The following CNTN6 variants were observed in gnomAD, a reference collection of about 807,000 sequenced individuals.
CNTN6 encodes the protein contactin 6.
Under a neutral mutation model 122.8 loss-of-function variants are expected in CNTN6, and 137 were observed. The observed-to-expected ratio is 1.12, with a 90% CI of 0.97 to 1.29. The LOEUF (loss-of-function observed/expected upper bound fraction) is 1.29, where lower values mean the gene tolerates loss of function less well. Among genes scored for constraint, CNTN6 ranks in the 50% most tolerant of loss-of-function variants. The pLI is 0.00. For synonymous variants in CNTN6, 570 were observed against 426.0 expected (o/e 1.34, Z -4.16); for missense variants, 1,634 against 1,223.4 (o/e 1.34, Z -5.01).
chr3:1,156,830 A>C (rs1575053384), intron 2 of CNTN6, among the ~76,000 whole-genome samples: 2 of 151,568 alleles, frequency 1.3e-5, no homozygotes, highest in Admixed American at 6.6e-5. Context: ...CAATCCTCCT[A>C]CCTCAGCCTC....
chr3:1,225,633 G>T (rs2094271415), intron 3 of CNTN6, among the ~76,000 whole-genome samples: 1 of 151,600 alleles, frequency 6.6e-6, no homozygotes, highest in Non-Finnish European at 1.5e-5. Context: ...TAGAGTGCTG[G>T]CAAGGAGAAT....
intron 12 of CNTN6, among the ~76,000 whole-genome samples, chr3:1,358,771 A>G (rs1353335773): frequency 1.3e-5 from 2 of 152,018 alleles, no homozygotes; most frequent in Admixed American, 1.3e-4. Flanking sequence ...TTCTACTTTC[A>G]TCTTCTACAA....
intron 4 of CNTN6, among the ~76,000 whole-genome samples, chr3:1,257,744 G>C (rs1182791266): frequency 2.0e-5 from 3 of 152,164 alleles, no homozygotes; most frequent in African/African-American, 7.2e-5. Flanking sequence ...GCTGGTGAGA[G>C]CGAGCTATTC....
chr3:1,144,194 G>A (rs1559391477), intron 1 of CNTN6, among the ~76,000 whole-genome samples: 1 of 152,176 alleles, frequency 6.6e-6, no homozygotes, highest in African/African-American at 2.4e-5. Context: ...GGCTTTTGGA[G>A]TCTTTGGTAA....
rs563531667 is a variant in CNTN6 at position 1,156,591 on chromosome 3, ACTTT to A, written c.55+8545_55+8548del. On this transcript the variant is annotated intron_variant, in intron 2 of 22. Transcript: ENST00000446702. ...GGAAGAAACGATATTTGAGTCTCAG[ACTTT>A]CTTTCTTTCTTTCTTTTTCTTTTCT... Among the ~76,000 whole-genome samples the A allele has an allele frequency of 6.5e-3, 991 of 151,460 alleles. 5 individuals are homozygous for A. The highest frequency in any genetic ancestry group is 0.019 in the African/African-American group (801 of 41,108).
chr3:1,267,149 G>A (rs374959022), intron 4 of CNTN6, among the ~76,000 whole-genome samples: 2 of 151,866 alleles, frequency 1.3e-5, no homozygotes, highest in East Asian at 3.9e-4. Flanking sequence ...AGGTCAGGAT[G>A]TACTTCCCCC....
intron 2 of CNTN6, among the ~76,000 whole-genome samples, chr3:1,215,688 T>C (rs577498943): frequency 1.5e-5 from 2 of 132,134 alleles, no homozygotes; most frequent in African/African-American, 5.0e-5. Context: ...ATGCCATGTT[T>C]TACTCTTTTA....
intron 5 of CNTN6, among the ~76,000 whole-genome samples, chr3:1,282,046 G>C (rs1416652462): frequency 2.0e-5 from 3 of 151,308 alleles, no homozygotes; most frequent in Non-Finnish European, 4.4e-5. Context: ...GTATCGACAT[G>C]GCTAAATTTT....
chr3:1,183,990 G>T (rs1468036267), intron 2 of CNTN6, among the ~76,000 whole-genome samples: 2 of 152,158 alleles, frequency 1.3e-5, no homozygotes, highest in Non-Finnish European at 1.5e-5. Flanking sequence ...GCGGCTGAAG[G>T]CCATTTTCAG....
In CNTN6 at chr3:1,297,987, G is replaced by A; in HGVS notation, c.757G>A (p.Gly253Arg). The part of the protein sequence containing the change: ...SSVKLECFAL[G>R]NPVPDISWRR... ...TGTAAAACTGGAATGTTTTGCCCTT[G>A]GAAAGTAAGGTTTTTGTTTTTGTTT... The change falls in exon 7 of 23, where the codon GGA becomes AGA. Residue 253 changes from glycine to arginine, a missense_variant. Gly to Arg is a moderately radical substitution (Grantham distance 125). Transcript: ENST00000446702. 3 of 1,574,590 alleles carry A rather than the reference G, an allele frequency of 1.9e-6. No individual in the cohort carries two copies. Among genetic ancestry groups the A allele is most frequent in the Non-Finnish European group, 1.7e-6 (2 of 1,170,072 alleles).
At chr3:1,379,409 C>G (rs155389) in intron 17 of CNTN6, among the ~76,000 whole-genome samples, 63,345 of 151,730 alleles carry the variant, frequency 0.42, 14,933 homozygotes, top group African/African-American at 0.65. Flanking sequence ...TAGACGCTAG[C>G]GTCTGCTAGA....
intron 2 of CNTN6, among the ~76,000 whole-genome samples, chr3:1,216,673 G>A (rs1203995960): frequency 1.3e-5 from 2 of 152,206 alleles, no homozygotes; most frequent in Non-Finnish European, 2.9e-5. Context: ...TGGGGAGCCA[G>A]TAATTGACCA....
At chr3:1,121,385 T>C (rs1031930718) in intron 1 of CNTN6, among the ~76,000 whole-genome samples, 1 of 151,952 alleles carries the variant, frequency 6.6e-6, no homozygotes, top group Non-Finnish European at 1.5e-5. Context: ...TTATAAGGTC[T>C]TTGTGTTATG....
rs1293163230 is a variant in CNTN6, at chr3:1,384,788, T to C, written c.2518-823T>C. On this transcript the variant is annotated intron_variant, in intron 19 of 22. Coordinates refer to ENST00000446702, the MANE Select transcript of CNTN6 (RefSeq NM_001289080.2). The stretch of plus-strand genomic sequence containing the variant: ...ATATATACACATATATATATATATA[T>C]ATATATATACACACACACACACACA... Among the ~76,000 whole-genome samples, 325 of 129,464 alleles carry C rather than the reference T, an allele frequency of 2.5e-3. 1 individual carries two copies. The highest frequency in any genetic ancestry group is 9.1e-3 in the African/African-American group (302 of 33,140). 84.9% of individuals were successfully genotyped at this position (129,464 alleles called of 152,430 possible).
chr3:1,156,080 T>A (rs2092955400), intron 2 of CNTN6, among the ~76,000 whole-genome samples: 1 of 152,158 alleles, frequency 6.6e-6, no homozygotes, highest in Non-Finnish European at 1.5e-5. Flanking sequence ...CTTCCCTTAC[T>A]CTCCTTCATG....
intron 5 of CNTN6, among the ~76,000 whole-genome samples, chr3:1,293,029 C>T (rs937464146): frequency 6.6e-6 from 1 of 152,136 alleles, no homozygotes; most frequent in Non-Finnish European, 1.5e-5. Context: ...TTTCTCACTT[C>T]ATGCGCAAGT....
chr3:1,248,679 G>A (rs1427537766), intron 4 of CNTN6, among the ~76,000 whole-genome samples: 1 of 151,960 alleles, frequency 6.6e-6, no homozygotes, highest in Non-Finnish European at 1.5e-5. Flanking sequence ...AATTAGCCAG[G>A]TGTGGTGGTG....
At chr3:1,325,519 C>T (rs550991427) in intron 8 of CNTN6, among the ~76,000 whole-genome samples, 1 of 151,772 alleles carries the variant, frequency 6.6e-6, no homozygotes. Context: ...GGATTTATTC[C>T]CTGGCCCTGT....
At chr3:1,223,835 T>C (rs2094241998) in intron 3 of CNTN6, among the ~76,000 whole-genome samples, 2 of 152,150 alleles carry the variant, frequency 1.3e-5, no homozygotes, top group Admixed American at 1.3e-4. Flanking sequence ...AAGAAAAAAC[T>C]ATAATAGTAG....
Sources: allele counts gnomAD v4.1 joint callset (sites outside exome capture counted in the v4.1 genomes callset), GRCh38; gene constraint gnomAD v4.1.1; transcripts MANE v1.5; gene names NCBI Gene and HGNC (gene_info 2026-07-23, HGNC 2026-07-21).